Variants in PPIG observed in about 807,000 individuals in gnomAD.
PPIG encodes peptidylprolyl isomerase G.
In PPIG, 26 loss-of-function variants were observed where a neutral mutation model predicts 87.9. That is an observed-to-expected ratio of 0.30 (90% CI 0.22 to 0.41). The LOEUF is 0.41. PPIG is among the 10% of genes least tolerant of loss of function. The pLI is 1.00. For synonymous variants in PPIG, 308 were observed against 276.5 expected, an observed-to-expected ratio of 1.11 and a Z score of -1.13; for missense variants, 722 against 879.4, an observed-to-expected ratio of 0.82 and a Z score of 2.26.
intron 1 of PPIG, among the ~76,000 whole-genome samples, chr2:169,586,202 T>A (rs948508032): frequency 2.6e-5 from 4 of 152,216 alleles, no homozygotes; most frequent in Non-Finnish European, 5.9e-5. Context: ...TCTGAGATCC[T>A]ATAGGGTCTT....
At chr2:169,593,211 T>A (rs1173829361) in intron 1 of PPIG, among the ~76,000 whole-genome samples, 1 of 152,078 alleles carries the variant, frequency 6.6e-6, no homozygotes, top group Non-Finnish European at 1.5e-5. Context: ...TTATTTATTT[T>A]GAGACAGAGT....
rs776424367 is a variant in PPIG, at chr2:169,614,713, C to T, written c.536C>T (p.Pro179Leu). 5.0e-6 allele frequency: 8 copies of T among 1,599,358 alleles called. No homozygotes were observed. Among genetic ancestry groups the T allele is most frequent in the Non-Finnish European group, 4.2e-6 (5 of 1,176,834 alleles). ...ATACTCAGTTGTGGAGAGCTGATTC[C>T]CAAATCTAAAGGTAAAAAGGAAGTA... is the stretch of plus-strand genomic sequence containing the variant. Reference protein sequence around the residue: ...VRILSCGELIPKSKVKKEEKK... With the variant: ...VRILSCGELILKSKVKKEEKK... The change falls in exon 9 of 14, where the codon CCC becomes CTC. Residue 179 changes from proline to leucine, a missense_variant. Physicochemically the swap from Pro to Leu is moderately conservative, Grantham distance 98. Around this residue, in one of 4 missense-constraint regions of PPIG, gnomAD observed 142 missense variants for 152.8 expected, o/e 0.93. Transcript: ENST00000260970.
intron 4 of PPIG, among the ~76,000 whole-genome samples, chr2:169,604,796 C>T (rs1242206238): frequency 6.6e-6 from 1 of 151,138 alleles, no homozygotes; most frequent in Non-Finnish European, 1.5e-5. Flanking sequence ...ATCACTTGAA[C>T]CCGAGAGGCA....
intron 6 of PPIG, 54 bp from the exon 7 acceptor site, chr2:169,608,617 A>G (rs1228382442): frequency 1.7e-6 from 2 of 1,202,316 alleles, no homozygotes; most frequent in Non-Finnish European, 2.4e-6. Flanking sequence ...GTGAAGATGA[A>G]ATTTTTTTGG....
In PPIG at chr2:169,589,105, A is replaced by G. The variant is rs1641129030; in HGVS notation, c.-70+4615A>G. Among the ~76,000 whole-genome samples the G allele has an allele frequency of 2.0e-5, 3 of 152,142 alleles. 1 individual carries two copies. In the South Asian group the frequency reaches 6.2e-4, roughly 32 times the overall value. ...TTTTTATGTCTCTCAGATCGTATATATAGTAAGTGCGTAATATCCTTATTT... is the reference window on the plus strand; with the variant it reads ...TTTTTATGTCTCTCAGATCGTATATGTAGTAAGTGCGTAATATCCTTATTT... On this transcript the variant is annotated intron_variant, in intron 1 of 13. Transcript: ENST00000260970.
intron 6 of PPIG, among the ~76,000 whole-genome samples, 173 bp downstream of exon 6, chr2:169,607,321 A>AT (rs1009184056): frequency 6.6e-6 from 1 of 151,980 alleles, no homozygotes; most frequent in Non-Finnish European, 1.5e-5. Context: ...ACAGATGGGT[A>AT]TTTTTTCTTC....
At chr2:169,593,531 A>G (rs1002945309) in intron 1 of PPIG, among the ~76,000 whole-genome samples, 1 of 152,146 alleles carries the variant, frequency 6.6e-6, no homozygotes, top group South Asian at 2.1e-4. Flanking sequence ...TTACAGACAC[A>G]CACAATAATG....
intron 4 of PPIG, 143 bp from the exon 5 acceptor site, chr2:169,605,896 A>AT (rs201608952): frequency 1.6e-6 from 1 of 623,894 alleles, no homozygotes; most frequent in Non-Finnish European, 2.8e-6. Context: ...TTTTAAATGA[A>AT]TTTTTAAAAA....
At chr2:169,634,785 CT>C (rs1300768710) in intron 12 of PPIG, among the ~76,000 whole-genome samples, 7 of 152,198 alleles carry the variant, frequency 4.6e-5, no homozygotes, top group African/African-American at 1.7e-4. Context: ...AGCTTTACCC[CT>C]GCCATGTTAA....
rs181326234 is a variant in PPIG at position 169,610,259 on chromosome 2, C to G, written c.377+1501C>G. ...TATTGATTCCTAGAATGAACAGTTG[C>G]CATCCCATACTGCTGTAAAGAAAGA... On this transcript the variant is annotated intron_variant, in intron 7 of 13. Coordinates refer to ENST00000260970, the MANE Select transcript of PPIG (RefSeq NM_004792.3). Among the ~76,000 whole-genome samples the G allele has an allele frequency of 1.2e-4, 19 of 152,288 alleles. No homozygotes were observed. The East Asian group carries it at 3.7e-3, about 29-fold the overall frequency.
intron 9 of PPIG, among the ~76,000 whole-genome samples, chr2:169,622,564 G>C (rs1685785533): frequency 6.6e-6 from 1 of 152,174 alleles, no homozygotes. Context: ...GCCCTTATCA[G>C]TTTCAGCAAT....
At chr2:169,593,140 A>ATC (rs1034292952) in intron 1 of PPIG, among the ~76,000 whole-genome samples, 10 of 151,766 alleles carry the variant, frequency 6.6e-5, no homozygotes, top group Non-Finnish European at 1.0e-4. Flanking sequence ...ATATATATAT[A>ATC]TATCTTAGGA....
intron 1 of PPIG, among the ~76,000 whole-genome samples, chr2:169,595,165 TG>T (rs1364817484): frequency 6.6e-6 from 1 of 152,084 alleles, no homozygotes; most frequent in East Asian, 1.9e-4. Context: ...TGACCTCAGG[TG>T]GTCCACCCGC....
At chr2:169,625,030 A>G (rs1485553811) in intron 9 of PPIG, among the ~76,000 whole-genome samples, 2 of 152,222 alleles carry the variant, frequency 1.3e-5, no homozygotes, top group Non-Finnish European at 2.9e-5. Context: ...ACATGTATAC[A>G]ATGCAGAATG....
At position 169,637,541 on chromosome 2, in the gene PPIG, ACTTC is replaced by A; in HGVS notation, c.*20_*23del. 6.6e-7 allele frequency: 1 copy of A among 1,518,670 alleles called. No individual in the cohort carries two copies. The highest frequency in any genetic ancestry group is 8.8e-7 in the Non-Finnish European group (1 of 1,141,604). The allele number at this position is 1,518,670 out of a possible 1,614,324, so 94.1% of individuals were successfully genotyped here. ...GCGGATGAGTGAGTTATATAAACTT[ACTTC>A]CATTCTGTTTCGGATTTTAAGTTTG... is the stretch of plus-strand genomic sequence containing the variant. On this transcript the variant is annotated 3_prime_UTR_variant, in exon 14 of 14. Coordinates refer to ENST00000260970, the MANE Select transcript of PPIG (RefSeq NM_004792.3).
chr2:169,584,356 G>A lies in PPIG; in HGVS notation c.-204G>A, dbSNP rs1199548150. 1 of 471,042 alleles carries A rather than the reference G, an allele frequency of 2.1e-6. No homozygotes were observed. 29.2% of individuals were successfully genotyped at this position (471,042 alleles called of 1,614,324 possible). On this transcript the variant is annotated 5_prime_UTR_variant, in exon 1 of 14. Coordinates refer to ENST00000260970, the MANE Select transcript of PPIG (RefSeq NM_004792.3). Reference sequence around the variant, plus strand: ...ACTCCTGACGCGCTTCCGGTGCGACGCTGTCTCTCCATGCCAGGACTGAGT... The same window carrying A: ...ACTCCTGACGCGCTTCCGGTGCGACACTGTCTCTCCATGCCAGGACTGAGT...
chr2:169,591,830 A>G (rs1465547418), intron 1 of PPIG, among the ~76,000 whole-genome samples: 1 of 151,532 alleles, frequency 6.6e-6, no homozygotes, highest in African/African-American at 2.4e-5. Context: ...TGTAGTTCAT[A>G]CTAAACAAAT....
intron 9 of PPIG, among the ~76,000 whole-genome samples, chr2:169,627,275 T>G (rs981620159): frequency 6.7e-6 from 1 of 149,912 alleles, no homozygotes; most frequent in Non-Finnish European, 1.5e-5. Context: ...ATTTTTGTAT[T>G]TTTAGTAGAG....
intron 1 of PPIG, among the ~76,000 whole-genome samples, chr2:169,598,453 G>C (rs1413846895): frequency 6.6e-6 from 1 of 151,996 alleles, no homozygotes; most frequent in African/African-American, 2.4e-5. Context: ...ACCACACCCG[G>C]CTAATTTTTT....
Sources: gnomAD v4.1 joint callset for allele counts (sites outside exome capture counted in the v4.1 genomes callset) on GRCh38, gnomAD v4.1.1 for gene constraint, gnomAD v4.1.1 regional missense constraint, MANE v1.5 for transcripts, NCBI Gene and HGNC (gene_info 2026-07-23, HGNC 2026-07-21) for gene names.